The following ZFHX3 variants were observed in gnomAD, a reference collection of about 807,000 sequenced individuals.
The protein encoded by ZFHX3 is zinc finger homeobox protein 3.
Under a neutral mutation model 279.1 loss-of-function variants are expected in ZFHX3, and 42 were observed. The ratio of observed to expected loss-of-function variants is 0.15; its 90% CI spans 0.12 to 0.19. ZFHX3 has a LOEUF of 0.19. Among genes scored for constraint, ZFHX3 ranks in the 10% least tolerant of loss-of-function variants. The pLI, the probability that ZFHX3 is intolerant of heterozygous loss-of-function variation, is 1.00. For synonymous variants in ZFHX3, 2,293 were observed against 1,957.8 expected (o/e 1.17, Z -4.52); for missense variants, 4,981 against 4,754.0 (o/e 1.05, Z -1.40).
intron 2 of ZFHX3, among the ~76,000 whole-genome samples, chr16:73,632,015 C>T (rs962487249): frequency 1.4e-4 from 21 of 151,348 alleles, no homozygotes; most frequent in Non-Finnish European, 2.6e-4. Context: ...AGCAAGTAAG[C>T]AATTTTCTTT....
chr16:73,855,841 G>C (rs1014692837), intron 1 of ZFHX3, among the ~76,000 whole-genome samples: 1 of 152,018 alleles, frequency 6.6e-6, no homozygotes, highest in East Asian at 1.9e-4. Context: ...TGGATATCTG[G>C]GGCAAGGTTT....
intron 2 of ZFHX3, among the ~76,000 whole-genome samples, chr16:73,597,977 A>G (rs1277627868): frequency 6.6e-6 from 1 of 152,152 alleles, no homozygotes; most frequent in Non-Finnish European, 1.5e-5. Context: ...TAGTGACATT[A>G]TTGCTATGAC....
At chr16:73,395,474 C>T (rs544398500) in intron 3 of ZFHX3, among the ~76,000 whole-genome samples, 2,557 of 151,600 alleles carry the variant, frequency 0.017, 78 homozygotes, top group African/African-American at 0.059. Flanking sequence ...CAAAAACACC[C>T]CCAAAAACCA....
intron 4 of ZFHX3, among the ~76,000 whole-genome samples, chr16:73,288,943 C>A (rs1277146203): frequency 6.7e-6 from 1 of 149,452 alleles, no homozygotes; most frequent in African/African-American, 2.5e-5. Context: ...GGAAAAAAAA[C>A]CCTCTTTGTC....
intron 2 of ZFHX3, among the ~76,000 whole-genome samples, chr16:73,612,481 A>G (rs1242367946): frequency 6.6e-6 from 1 of 152,250 alleles, no homozygotes; most frequent in Non-Finnish European, 1.5e-5. Flanking sequence ...TTTCTATTTG[A>G]TCATGTTTTG....
At chr16:73,401,788 G>A (rs991311012) in intron 3 of ZFHX3, 1 of 152,178 alleles carries the variant, frequency 6.6e-6, no homozygotes, top group East Asian at 1.9e-4. Context: ...TAGATAATTG[G>A]GTAATTGTTC....
chr16:73,160,456 T>C lies in ZFHX3; in HGVS notation c.-1103-16625A>G, dbSNP rs989619451. Among the ~76,000 whole-genome samples, 28 of 152,332 alleles carry C rather than the reference T, an allele frequency of 1.8e-4. 1 individual carries two copies. The highest frequency in any genetic ancestry group is 1.2e-3 in the Admixed American group (19 of 15,302). ...TCATTCTAGCTATCCTGAGCAAATT[T>C]CTAAGGATGAGAACTCCACACCCAC... is the stretch of plus-strand genomic sequence containing the variant. On this transcript the variant is annotated intron_variant, in intron 5 of 17. Coordinates refer to the ZFHX3 transcript ENST00000641206.
chr16:73,334,807 A>ATTATTTTTTT (rs1224756669), intron 3 of ZFHX3, among the ~76,000 whole-genome samples: 2 of 28,498 alleles, frequency 7.0e-5, no homozygotes, highest in African/African-American at 2.8e-4. Context: ...TTTCTTTCTC[A>ATTATTTTTTT]TTCTTTTTTT....
intron 3 of ZFHX3, among the ~76,000 whole-genome samples, chr16:73,383,683 T>TG (rs1248690578): frequency 1.8e-5 from 2 of 113,472 alleles, no homozygotes; most frequent in Non-Finnish European, 1.8e-5. Flanking sequence ...ACTGGAGGGG[T>TG]GGGGGGTGGG....
rs1406198299 is a variant in ZFHX3, at chr16:73,631,923, TCTCTCACACACACA to T, written c.-1547+48243_-1547+48256del. ...TTCTCTCTCTCTCTCTCTCTCTCTC[TCTCTCACACACACA>T]CACACACACACACACACACACACAA... On this transcript the variant is annotated intron_variant, in intron 2 of 17. Coordinates refer to the ZFHX3 transcript ENST00000641206. Among the ~76,000 whole-genome samples the T allele has an allele frequency of 1.3e-3, 131 of 101,894 alleles. 2 individuals are homozygous for T. Among genetic ancestry groups the T allele is most frequent in the African/African-American group, 4.1e-3 (123 of 29,980 alleles). 66.8% of individuals were successfully genotyped at this position (101,894 alleles called of 152,430 possible).
intron 5 of ZFHX3, among the ~76,000 whole-genome samples, chr16:73,235,514 G>C (rs2012915431): frequency 6.6e-6 from 1 of 152,184 alleles, no homozygotes; most frequent in Non-Finnish European, 1.5e-5. Flanking sequence ...CCAGCCTGAA[G>C]AGATGATGAG....
chr16:73,122,614 G>A (rs1966513777), intron 7 of ZFHX3, among the ~76,000 whole-genome samples: 3 of 152,166 alleles, frequency 2.0e-5, no homozygotes, highest in South Asian at 4.1e-4. Flanking sequence ...AACTTGGGGG[G>A]CCATCAGGGG....
At chr16:73,869,037 T>C (rs1224606775) in intron 1 of ZFHX3, among the ~76,000 whole-genome samples, 1 of 152,184 alleles carries the variant, frequency 6.6e-6, no homozygotes, top group South Asian at 2.1e-4. Context: ...AAAGGTCCAG[T>C]GAGTGCTCTG....
intron 1 of ZFHX3, chr16:72,973,304 C>G (rs1962189381): frequency 6.6e-6 from 1 of 152,222 alleles, no homozygotes; most frequent in Admixed American, 6.5e-5. Context: ...TCATCCCCAT[C>G]CTTCCCCATC....
chr16:72,850,803 AAAT>A lies in ZFHX3; in HGVS notation c.3449-20947_3449-20945del, dbSNP rs201427347. ...GTTTCTAAAAGCCTAAAATTAAAAA[AAAT>A]AATAAATCAAAAAAGGAAGAAAAAT... On this transcript the variant is annotated intron_variant, in intron 4 of 9. Coordinates refer to ENST00000268489, the MANE Select transcript of ZFHX3 (RefSeq NM_006885.4). 7.1e-3 allele frequency among the ~76,000 whole-genome samples: 1,084 copies of A among 152,330 alleles called. 14 individuals carry two copies. Among genetic ancestry groups the A allele is most frequent in the African/African-American group, 0.024 (1,015 of 41,556 alleles).
chr16:73,497,871 C>CA (rs2143658975), intron 2 of ZFHX3, among the ~76,000 whole-genome samples: 1 of 152,232 alleles, frequency 6.6e-6, no homozygotes, highest in South Asian at 2.1e-4. Context: ...TTTTAGAAAA[C>CA]AAAAAGTTGA....
At chr16:73,237,731 T>A (rs895241517) in intron 5 of ZFHX3, among the ~76,000 whole-genome samples, 1 of 152,104 alleles carries the variant, frequency 6.6e-6, no homozygotes, top group African/African-American at 2.4e-5. Flanking sequence ...TGAGGTTTTT[T>A]TTCTCATAGC....
intron 7 of ZFHX3, among the ~76,000 whole-genome samples, chr16:73,097,038 C>G (rs1966172543): frequency 6.6e-6 from 1 of 151,704 alleles, no homozygotes; most frequent in Non-Finnish European, 1.5e-5. Flanking sequence ...CTTTCTCTGT[C>G]TCTCTCCCCC....
intron 3 of ZFHX3, chr16:73,400,339 G>A (rs1300826658): frequency 6.6e-6 from 1 of 152,178 alleles, no homozygotes; most frequent in Non-Finnish European, 1.5e-5. Flanking sequence ...ATGAGCTATT[G>A]GTGTGACGGG....
Sources: gnomAD v4.1 joint callset for allele counts (sites outside exome capture counted in the v4.1 genomes callset) on GRCh38, gnomAD v4.1.1 for gene constraint, MANE v1.5 for transcripts, NCBI Gene and HGNC (gene_info 2026-07-23, HGNC 2026-07-21) for gene names.